The following TCP11L2 variants were observed in gnomAD, a reference collection of about 807,000 sequenced individuals.
TCP11L2 encodes t-complex 11 like 2.
Under a neutral mutation model 50.7 loss-of-function variants are expected in TCP11L2, and 39 were observed. The ratio of observed to expected loss-of-function variants is 0.77; its 90% CI spans 0.60 to 1.01. TCP11L2 has a LOEUF of 1.01. TCP11L2 is among the 50% of genes least tolerant of loss of function. TCP11L2 has a pLI of 0.00. For synonymous variants in TCP11L2, 192 were observed against 219.3 expected, an observed-to-expected ratio of 0.88 and a Z score of 1.10; for missense variants, 612 against 614.7, an observed-to-expected ratio of 1.00 and a Z score of 0.05.
chr12:106,320,378 C>T (rs1307201617), intron 4 of TCP11L2, among the ~76,000 whole-genome samples: 3 of 151,530 alleles, frequency 2.0e-5, no homozygotes, highest in South Asian at 2.1e-4. Flanking sequence ...GGCCTGGTGA[C>T]AGAGCGAGAC....
upstream of TCP11L2, among the ~76,000 whole-genome samples, chr12:106,299,108 G>A (rs2034379476): frequency 1.3e-5 from 2 of 152,142 alleles, no homozygotes; most frequent in Non-Finnish European, 2.9e-5. Flanking sequence ...GAGCCACCAT[G>A]CCCAGCCCAT....
chr12:106,310,070 G>C (rs996170256), intron 1 of TCP11L2, among the ~76,000 whole-genome samples: 1 of 152,068 alleles, frequency 6.6e-6, no homozygotes. Context: ...GCTCCCTCAC[G>C]GGCCTGGCTG....
chr12:106,329,880 G>A (rs2035686836), intron 6 of TCP11L2: 1 of 985,790 alleles, frequency 1.0e-6, no homozygotes, highest in Non-Finnish European at 1.2e-6. Context: ...AACAACATTT[G>A]CCAACTGAGG....
chr12:106,318,914 AT>A (rs1416324567), intron 4 of TCP11L2, among the ~76,000 whole-genome samples: 2 of 127,940 alleles, frequency 1.6e-5, no homozygotes, highest in Non-Finnish European at 1.7e-5. Flanking sequence ...TTTTTTTTTT[AT>A]TTTTTTTGAG....
intron 1 of TCP11L2, among the ~76,000 whole-genome samples, chr12:106,306,830 A>G (rs2034649098): frequency 1.3e-5 from 2 of 152,230 alleles, no homozygotes; most frequent in Admixed American, 1.3e-4. Context: ...TAGTCAGTAA[A>G]TAATCAAGAG....
chr12:106,302,325 C>A (rs1255627628), upstream of TCP11L2, among the ~76,000 whole-genome samples: 10 of 114,064 alleles, frequency 8.8e-5, no homozygotes, highest in African/African-American at 3.1e-4. Flanking sequence ...CCGCTCCCCC[C>A]GCTCAGCCCC....
intron 8 of TCP11L2, among the ~76,000 whole-genome samples, chr12:106,338,155 T>C (rs2035980615): frequency 6.6e-6 from 1 of 152,200 alleles, no homozygotes; most frequent in Non-Finnish European, 1.5e-5. Flanking sequence ...GATTAATTGA[T>C]TTTTGCTTTT....
chr12:106,313,114 T>C (rs1258332118), intron 2 of TCP11L2, among the ~76,000 whole-genome samples: 1 of 152,240 alleles, frequency 6.6e-6, no homozygotes, highest in African/African-American at 2.4e-5. Context: ...CTTTTAATTA[T>C]GTAAATTTAT....
chr12:106,329,810 CTT>C, intron 6 of TCP11L2: 3 of 988,128 alleles, frequency 3.0e-6, no homozygotes, highest in African/African-American at 1.7e-5. Flanking sequence ...AGTTGGATGT[CTT>C]TTAAATGAAA....
intron 4 of TCP11L2, among the ~76,000 whole-genome samples, chr12:106,319,299 C>A (rs2035246478): frequency 6.6e-6 from 1 of 152,198 alleles, no homozygotes; most frequent in Non-Finnish European, 1.5e-5. Context: ...CCTTCTAATA[C>A]CATTCCATTG....
At chr12:106,309,995 G>T (rs111388526) in intron 1 of TCP11L2, among the ~76,000 whole-genome samples, 348 of 152,290 alleles carry the variant, frequency 2.3e-3, no homozygotes, top group African/African-American at 7.8e-3. Context: ...GATTTGAGGT[G>T]CCTTTCTCCT....
chr12:106,300,640 T>C (rs1241420404), upstream of TCP11L2, among the ~76,000 whole-genome samples: 8 of 152,200 alleles, frequency 5.3e-5, no homozygotes, highest in African/African-American at 1.9e-4. Context: ...CAAAGTGCTT[T>C]TATACACAAG....
In TCP11L2 at chr12:106,346,289, A is replaced by C; in HGVS notation, c.1319A>C (p.Lys440Thr). 1 of 1,596,888 alleles carries C rather than the reference A, an allele frequency of 6.3e-7. No individual in the cohort carries two copies. The highest frequency in any genetic ancestry group is 8.5e-7 in the Non-Finnish European group (1 of 1,171,140). Residue 440 changes from lysine (K) to threonine (T), a missense_variant, in exon 10 of 10, where the codon AAA becomes ACA. Coordinates refer to ENST00000299045, the MANE Select transcript of TCP11L2 (RefSeq NM_152772.3). ...EDNPIWSLID[K>T]RIKLYMRRLL... ...AGTATCTTTTTTTCCCCTTCAGATA[A>C]ACGAATTAAGCTTTACATGAGAAGG...
Position 106,346,312 on chromosome 12 carries a change from A to G in TCP11L2, c.1342A>G (p.Arg448Gly), listed in dbSNP as rs1218510555. Residue 448 changes from arginine (R) to glycine (G), a missense_variant, in exon 10 of 10, where the codon AGG becomes GGG. Transcript: ENST00000299045. ...TAAACGAATTAAGCTTTACATGAGA[A>G]GGCTACTTTGTCTTCCAAGCCCTCA... ...IDKRIKLYMRRLLCLPSPQKC... is the reference protein window; with the variant it reads ...IDKRIKLYMRGLLCLPSPQKC... 1 of 1,611,998 alleles carries G rather than the reference A, an allele frequency of 6.2e-7. No individual in the cohort carries two copies. Among genetic ancestry groups the G allele is most frequent in the East Asian group, 2.2e-5 (1 of 44,838 alleles).
At chr12:106,343,331 AC>A (rs1458005247) in intron 9 of TCP11L2, among the ~76,000 whole-genome samples, 18 of 152,312 alleles carry the variant, frequency 1.2e-4, no homozygotes, top group African/African-American at 4.3e-4. Flanking sequence ...AGGTCAGGCA[AC>A]TAGTCTAAAG....
chr12:106,320,383 C>T lies in TCP11L2; in HGVS notation c.415-1103C>T, dbSNP rs569582721. ...ACTGCACTCCGGCCTGGTGACAGAG[C>T]GAGACTCCATCTCAAAAAAAAAAGA... On this transcript the variant is annotated intron_variant, in intron 4 of 9. Transcript: ENST00000299045. 1.1e-4 allele frequency among the ~76,000 whole-genome samples: 17 copies of T among 151,218 alleles called. No homozygotes were observed. In the South Asian group the frequency reaches 2.7e-3, roughly 24 times the overall value.
intron 9 of TCP11L2, 137 bp downstream of exon 9, chr12:106,341,135 A>G: frequency 2.7e-6 from 2 of 744,920 alleles, no homozygotes; most frequent in South Asian, 3.7e-5. Context: ...ATATCAAGAA[A>G]TATTAATGTT....
rs141887282 is a variant in TCP11L2 at position 106,321,348 on chromosome 12, A to G, written c.415-138A>G. The G allele has an allele frequency of 9.4e-4, 650 of 688,636 alleles. 9 individuals carry two copies. In the African/African-American group the frequency reaches 1.0e-2, roughly 11 times the overall value. The allele number at this position is 688,636 out of a possible 1,614,324, so 42.7% of individuals were successfully genotyped here. ...ACTGGAATGCTCCTCTGATCCACCC[A>G]TGCAGTCAGTGCCAACTTCTGTGGC... On this transcript the variant is annotated intron_variant, in intron 4 of 9. Transcript: ENST00000299045.
At chr12:106,302,184 G>A (rs1263025561), upstream of TCP11L2, among the ~76,000 whole-genome samples, 4 of 152,152 alleles carry the variant, frequency 2.6e-5, no homozygotes, top group Non-Finnish European at 5.9e-5. Flanking sequence ...GGCACTCAAT[G>A]TTCCACGCGC....
Sources: allele counts gnomAD v4.1 joint callset (sites outside exome capture counted in the v4.1 genomes callset), GRCh38; gene constraint gnomAD v4.1.1; transcripts MANE v1.5; gene names NCBI Gene and HGNC (gene_info 2026-07-23, HGNC 2026-07-21).